Variants in CADM2 observed in about 807,000 individuals in gnomAD.
The protein encoded by CADM2 is cell adhesion molecule 2, also known as immunoglobulin superfamily member 4D.
A neutral mutation model predicts 49.8 loss-of-function variants in CADM2; 12 were observed. That is an observed-to-expected ratio of 0.24 (90% CI 0.15 to 0.39). CADM2 has a LOEUF of 0.39. Among genes scored for constraint, CADM2 ranks in the 10% least tolerant of loss-of-function variants. CADM2 has a pLI of 1.00. For missense variants in CADM2, 378 were observed against 492.3 expected, an observed-to-expected ratio of 0.77 and a Z score of 2.20; for synonymous variants, 214 against 175.4, an observed-to-expected ratio of 1.22 and a Z score of -1.74.
chr3:85,527,319 G>C (rs1214500534), intron 1 of CADM2, among the ~76,000 whole-genome samples: 2 of 151,030 alleles, frequency 1.3e-5, no homozygotes, highest in East Asian at 2.0e-4. Context: ...CCAGGAGTTG[G>C]AGAGTTGGAG....
At position 85,916,959 on chromosome 3, in the gene CADM2, A is replaced by C. The variant is rs555539793; in HGVS notation, c.700+4416A>C. ...ATTTTTTCATGTGTTTTTTGGCTGC[A>C]TAAATGTCTTCTTTTGAGAAGTGTC... On this transcript the variant is annotated intron_variant, in intron 6 of 9. Transcript: ENST00000383699. 6.8e-3 allele frequency among the ~76,000 whole-genome samples: 1,041 copies of C among 152,194 alleles called. 11 individuals carry two copies. The highest frequency in any genetic ancestry group is 0.023 in the African/African-American group (970 of 41,504).
At chr3:85,824,518 C>T (rs2073795135) in intron 3 of CADM2, among the ~76,000 whole-genome samples, 1 of 152,022 alleles carries the variant, frequency 6.6e-6, no homozygotes, top group Non-Finnish European at 1.5e-5. Context: ...GTCTAGCTGG[C>T]ACTGTTGTCT....
chr3:85,652,772 C>CTTTTCT (rs1553655456), intron 1 of CADM2, among the ~76,000 whole-genome samples: 11 of 50,784 alleles, frequency 2.2e-4, no homozygotes, highest in African/African-American at 8.6e-4. Context: ...TTTTTCTTTT[C>CTTTTCT]TTTTTTTTTT....
chr3:85,342,476 G>C (rs577577564), intron 1 of CADM2, among the ~76,000 whole-genome samples: 3 of 152,076 alleles, frequency 2.0e-5, no homozygotes, highest in Admixed American at 2.0e-4. Flanking sequence ...TAATTGGGGA[G>C]ATAATACATT....
At chr3:85,829,008 G>A (rs143979559) in intron 3 of CADM2, among the ~76,000 whole-genome samples, 10 of 151,850 alleles carry the variant, frequency 6.6e-5, no homozygotes, top group African/African-American at 2.4e-4. Flanking sequence ...TATTTTATTT[G>A]ACCATAAGTA....
At chr3:85,570,897 A>G (rs1326439668) in intron 1 of CADM2, among the ~76,000 whole-genome samples, 1 of 152,222 alleles carries the variant, frequency 6.6e-6, no homozygotes, top group Non-Finnish European at 1.5e-5. Flanking sequence ...ATTGAAAAGT[A>G]AGAACCGCTG....
chr3:85,813,205 G>A (rs1196205461), intron 3 of CADM2, among the ~76,000 whole-genome samples: 2 of 152,118 alleles, frequency 1.3e-5, no homozygotes, highest in African/African-American at 2.4e-5. Flanking sequence ...ATCCTCTCCA[G>A]CATCTGTTGT....
At chr3:85,614,808 A>T (rs1161596295) in intron 1 of CADM2, among the ~76,000 whole-genome samples, 1 of 151,962 alleles carries the variant, frequency 6.6e-6, no homozygotes, top group Admixed American at 6.6e-5. Flanking sequence ...GTGGATTTGT[A>T]GCTACATTGC....
At chr3:85,856,966 G>T (rs2075341157) in intron 3 of CADM2, among the ~76,000 whole-genome samples, 1 of 152,122 alleles carries the variant, frequency 6.6e-6, no homozygotes, top group Non-Finnish European at 1.5e-5. Context: ...ATAACAAAGT[G>T]TCAGAAACTA....
At chr3:85,073,817 AT>A (rs772036044) in intron 1 of CADM2, among the ~76,000 whole-genome samples, 72 of 152,162 alleles carry the variant, frequency 4.7e-4, no homozygotes, top group Non-Finnish European at 8.5e-4. Context: ...TGGGCGCAAA[AT>A]TTTTAGTAGG....
intron 1 of CADM2, among the ~76,000 whole-genome samples, chr3:85,356,206 A>G (rs892301974): frequency 5.9e-5 from 9 of 152,080 alleles, no homozygotes; most frequent in Admixed American, 5.9e-4. Flanking sequence ...TGAGGTAGGT[A>G]AGAATGTTCT....
intron 1 of CADM2, among the ~76,000 whole-genome samples, chr3:85,296,306 T>G (rs192600671): frequency 1.6e-4 from 24 of 152,218 alleles, no homozygotes; most frequent in Admixed American, 1.0e-3. Flanking sequence ...AGAATTAATA[T>G]GTACTACATA....
intron 1 of CADM2, among the ~76,000 whole-genome samples, chr3:85,307,526 T>A (rs2044243512): frequency 6.6e-6 from 1 of 151,794 alleles, no homozygotes; most frequent in African/African-American, 2.4e-5. Context: ...ACTCTAAGAA[T>A]CCATTTTTAC....
At chr3:85,801,993 GTTAATCATTT>G in intron 2 of CADM2, 44 bp from the exon 3 acceptor site, 1 of 1,332,354 alleles carries the variant, frequency 7.5e-7, no homozygotes, top group Non-Finnish European at 9.9e-7. Context: ...ATCTTAGGCA[GTTAATCATTT>G]TATGACTTTC....
intron 3 of CADM2, among the ~76,000 whole-genome samples, chr3:85,882,794 C>G (rs778531258): frequency 1.3e-5 from 2 of 152,122 alleles, no homozygotes; most frequent in African/African-American, 4.8e-5. Context: ...TTTACAGGTG[C>G]CTTTCTGCTC....
At chr3:85,207,552 A>G (rs961941958) in intron 1 of CADM2, among the ~76,000 whole-genome samples, 5 of 152,172 alleles carry the variant, frequency 3.3e-5, no homozygotes, top group African/African-American at 1.2e-4. Context: ...ATCAGCAGCC[A>G]TCAATTTTAC....
chr3:85,112,106 G>A (rs2038480225), intron 1 of CADM2, among the ~76,000 whole-genome samples: 1 of 151,776 alleles, frequency 6.6e-6, no homozygotes, highest in Non-Finnish European at 1.5e-5. Context: ...TAGTTACAAA[G>A]TTATAGATCA....
At chr3:85,772,013 T>C (rs1052329392) in intron 2 of CADM2, among the ~76,000 whole-genome samples, 20 of 148,224 alleles carry the variant, frequency 1.3e-4, no homozygotes, top group Middle Eastern at 3.4e-3. Context: ...TCTTTCTTTT[T>C]TTTTTTTTTT....
intron 1 of CADM2, among the ~76,000 whole-genome samples, chr3:85,547,953 C>T (rs1029015426): frequency 6.6e-6 from 1 of 152,008 alleles, no homozygotes; most frequent in Admixed American, 6.6e-5. Flanking sequence ...GACTGCTGAA[C>T]CTTAGGTGGA....
Sources: gnomAD v4.1 joint callset for allele counts (sites outside exome capture counted in the v4.1 genomes callset) on GRCh38, gnomAD v4.1.1 for gene constraint, MANE v1.5 for transcripts, NCBI Gene and HGNC (gene_info 2026-07-23, HGNC 2026-07-21) for gene names.